ARFGEF1: variants seen among roughly 807,000 people sequenced by gnomAD.
The protein encoded by ARFGEF1 is brefeldin A-inhibited guanine nucleotide-exchange protein 1.
ARFGEF1 carries 42 observed loss-of-function variants against 231.0 expected under a neutral mutation model. The observed-to-expected ratio is 0.18, with a 90% confidence interval of 0.14 to 0.24. The LOEUF (loss-of-function observed/expected upper bound fraction) is 0.24, where lower values mean the gene tolerates loss of function less well. Among genes scored for constraint, ARFGEF1 ranks in the 10% least tolerant of loss-of-function variants. ARFGEF1 has a pLI of 1.00. For missense variants in ARFGEF1, 1,345 were observed against 2,192.0 expected, an observed-to-expected ratio of 0.61 and a Z score of 7.72; for synonymous variants, 710 against 732.3, an observed-to-expected ratio of 0.97 and a Z score of 0.49.
intron 1 of ARFGEF1, among the ~76,000 whole-genome samples, chr8:67,321,413 T>C (rs1807585849): frequency 6.6e-6 from 1 of 152,206 alleles, no homozygotes; most frequent in African/African-American, 2.4e-5. Context: ...ACGGGTGATC[T>C]TGGTGTATTT....
At chr8:67,342,319 T>C (rs925827610) in intron 1 of ARFGEF1, among the ~76,000 whole-genome samples, 3 of 152,202 alleles carry the variant, frequency 2.0e-5, no homozygotes, top group Non-Finnish European at 4.4e-5. Flanking sequence ...TTGTTTGGAT[T>C]TTCCCTGCTG....
chr8:67,276,990 A>G (rs1805339871), intron 8 of ARFGEF1, among the ~76,000 whole-genome samples: 1 of 152,170 alleles, frequency 6.6e-6, no homozygotes, highest in African/African-American at 2.4e-5. Context: ...TGAATATGTA[A>G]TAAGAATGTT....
intron 1 of ARFGEF1, among the ~76,000 whole-genome samples, chr8:67,309,447 G>C (rs1007101581): frequency 3.3e-5 from 5 of 152,014 alleles, no homozygotes; most frequent in Non-Finnish European, 7.4e-5. Context: ...CCATATTCTG[G>C]AGAACTAAAA....
intron 7 of ARFGEF1, among the ~76,000 whole-genome samples, chr8:67,279,664 T>C (rs1256507789): frequency 6.6e-6 from 1 of 152,206 alleles, no homozygotes; most frequent in Non-Finnish European, 1.5e-5. Flanking sequence ...TTTTAGACTT[T>C]GAAGCCACAC....
chr8:67,271,420 G>A (rs889142039), intron 10 of ARFGEF1, among the ~76,000 whole-genome samples: 18 of 152,042 alleles, frequency 1.2e-4, no homozygotes, highest in African/African-American at 4.4e-4. Context: ...GCTATTATGA[G>A]GACCAAATTA....
chr8:67,316,651 G>A (rs1051126618), intron 1 of ARFGEF1, among the ~76,000 whole-genome samples: 1 of 151,954 alleles, frequency 6.6e-6, no homozygotes, highest in Admixed American at 6.6e-5. Context: ...GTAGAGACAG[G>A]GTTTTGCCAT....
chr8:67,291,678 TAG>T (rs1806016899), intron 6 of ARFGEF1, among the ~76,000 whole-genome samples, 167 bp downstream of exon 6: 1 of 152,158 alleles, frequency 6.6e-6, no homozygotes, highest in Admixed American at 6.6e-5. Context: ...TCTTGTAGGT[TAG>T]AGTCAAATTA....
At chr8:67,332,652 A>T (rs1808151715) in intron 1 of ARFGEF1, among the ~76,000 whole-genome samples, 1 of 152,210 alleles carries the variant, frequency 6.6e-6, no homozygotes, top group South Asian at 2.1e-4. Flanking sequence ...TCTGTTCAGT[A>T]TATGGCCCTT....
chr8:67,222,182 C>CATATATAT (rs60905220), intron 29 of ARFGEF1, among the ~76,000 whole-genome samples: 18 of 117,738 alleles, frequency 1.5e-4, no homozygotes, highest in African/African-American at 6.2e-4. Context: ...TATATATACA[C>CATATATAT]ATATATATAT....
chr8:67,251,061 C>T (rs965637636), intron 19 of ARFGEF1, among the ~76,000 whole-genome samples: 1 of 152,180 alleles, frequency 6.6e-6, no homozygotes, highest in African/African-American at 2.4e-5. Flanking sequence ...CTTTTCTTTG[C>T]TTAATTCCTA....
At chr8:67,183,682 T>A (rs192780378) in intron 5 of ARFGEF1, among the ~76,000 whole-genome samples, 11 of 152,280 alleles carry the variant, frequency 7.2e-5, no homozygotes, top group African/African-American at 2.2e-4. Flanking sequence ...TCCTAATGTA[T>A]GCATTCAGTT....
At chr8:67,197,550 C>T (rs557029271), downstream of ARFGEF1, 243 of 897,156 alleles carry the variant, frequency 2.7e-4, 4 homozygotes, top group South Asian at 5.7e-3. Context: ...AAGAAAATAC[C>T]AGAACCAAAC....
intron 19 of ARFGEF1, among the ~76,000 whole-genome samples, chr8:67,246,503 T>C (rs1157399997): frequency 6.6e-6 from 1 of 150,538 alleles, no homozygotes; most frequent in African/African-American, 2.5e-5. Flanking sequence ...TGCTCCTGAA[T>C]GACCAGTGGG....
rs768657684 is a variant in ARFGEF1 at position 67,267,477 on chromosome 8, GT to G, written c.1573-36del. ...GGAGAAAACTTCTGTTTAAAATATT[GT>G]TTAGAATTCATATGTGTGATCACTT... On this transcript the variant is annotated intron_variant, in intron 10 of 38. Coordinates refer to ENST00000262215, the MANE Select transcript of ARFGEF1 (RefSeq NM_006421.5). 2.2e-6 allele frequency: 3 copies of G among 1,349,758 alleles called. No individual in the cohort carries two copies. The South Asian group carries it at 3.7e-5, about 16-fold the overall frequency. 83.6% of individuals were successfully genotyped at this position (1,349,758 alleles called of 1,614,324 possible). A position where few individuals can be genotyped will look rare whatever the true frequency, so the allele number is the denominator to read the frequency against.
Position 67,240,204 on chromosome 8 carries a change from A to G in ARFGEF1, c.2937T>C (p.Gly979=), listed in dbSNP as rs1839888126. 2 of 1,612,802 alleles carry G rather than the reference A, an allele frequency of 1.2e-6. No individual in the cohort carries two copies. Among genetic ancestry groups the G allele is most frequent in the Non-Finnish European group, 1.7e-6 (2 of 1,179,654 alleles). ...ATGCAATTCTGATTGCACATCTTATACCTTCCAGGCAAAGAGAGGCTACTT... is the reference window on the plus strand; with the variant it reads ...ATGCAATTCTGATTGCACATCTTATGCCTTCCAGGCAAAGAGAGGCTACTT... ...DTEVASLCLE[G]IRCAIRIACI... Residue 979 remains glycine, a synonymous_variant, in exon 20 of 39, where the codon GGT becomes GGC. Transcript: ENST00000262215.
At chr8:67,293,685 C>A (rs1806107924) in intron 5 of ARFGEF1, among the ~76,000 whole-genome samples, 1 of 152,128 alleles carries the variant, frequency 6.6e-6, no homozygotes, top group Non-Finnish European at 1.5e-5. Context: ...GGTAGCTAGT[C>A]TTCAAGATGG....
chr8:67,266,840 A>T, intron 13 of ARFGEF1, 36 bp downstream of exon 13: 1 of 1,547,684 alleles, frequency 6.5e-7, no homozygotes, highest in South Asian at 1.2e-5. Flanking sequence ...ATTCACTTAA[A>T]ATGACAAAGA....
chr8:67,175,413 T>A (rs780045401), downstream of ARFGEF1: 1 of 1,614,152 alleles, frequency 6.2e-7, no homozygotes, highest in South Asian at 1.1e-5. Flanking sequence ...CTGAACAGAA[T>A]AAAAATGCAG....
intron 3 of ARFGEF1, among the ~76,000 whole-genome samples, chr8:67,300,292 T>TTATAGTTGAATACATA (rs1463164451): frequency 2.6e-5 from 4 of 152,200 alleles, no homozygotes; most frequent in Admixed American, 2.6e-4. Context: ...AGCTACTGAA[T>TTATAGTTGAATACATA]TATAGTTGAA....
Sources: gnomAD v4.1 joint callset for allele counts (sites outside exome capture counted in the v4.1 genomes callset) on GRCh38, gnomAD v4.1.1 for gene constraint, MANE v1.5 for transcripts, NCBI Gene and HGNC (gene_info 2026-07-23, HGNC 2026-07-21) for gene names.